The following SSBP2 variants were observed in gnomAD, a reference collection of about 807,000 sequenced individuals.
The protein encoded by SSBP2 is single-stranded DNA-binding protein 2.
A neutral mutation model predicts 61.8 loss-of-function variants in SSBP2; 17 were observed. The ratio of observed to expected loss-of-function variants is 0.28; its 90% CI spans 0.19 to 0.41. SSBP2 has a LOEUF of 0.41. Among genes scored for constraint, SSBP2 ranks in the 10% least tolerant of loss-of-function variants. The pLI is 1.00. For synonymous variants in SSBP2, 139 were observed against 141.3 expected (o/e 0.98, Z 0.12); for missense variants, 310 against 458.7 (o/e 0.68, Z 2.96).
intron 4 of SSBP2, among the ~76,000 whole-genome samples, chr5:81,593,212 G>A (rs1336328438): frequency 1.1e-4 from 16 of 152,292 alleles, no homozygotes; most frequent in African/African-American, 2.4e-4. Context: ...CTCAGTAGCC[G>A]ATGCCATCAA....
intron 1 of SSBP2, among the ~76,000 whole-genome samples, chr5:81,663,205 G>A (rs1345428046): frequency 6.6e-6 from 1 of 152,098 alleles, no homozygotes; most frequent in African/African-American, 2.4e-5. Flanking sequence ...AGTTTACCAA[G>A]AAACACATAA....
At chr5:81,675,184 T>C (rs1259170344) in intron 1 of SSBP2, among the ~76,000 whole-genome samples, 1 of 152,152 alleles carries the variant, frequency 6.6e-6, no homozygotes, top group Non-Finnish European at 1.5e-5. Context: ...ATCCCTTCTA[T>C]TGCAGAAACT....
At chr5:81,469,526 TC>T (rs902726273) in intron 8 of SSBP2, among the ~76,000 whole-genome samples, 5 of 151,878 alleles carry the variant, frequency 3.3e-5, no homozygotes, top group Non-Finnish European at 7.4e-5. Flanking sequence ...ATCTAGACTT[TC>T]CCCATTATAT....
intron 4 of SSBP2, among the ~76,000 whole-genome samples, chr5:81,568,014 T>C (rs1773567340): frequency 6.6e-6 from 1 of 152,206 alleles, no homozygotes; most frequent in African/African-American, 2.4e-5. Flanking sequence ...GGAACTTGCC[T>C]TGTCTCAGAT....
Position 81,595,398 on chromosome 5 carries a change from G to A in SSBP2, c.282+20075C>T, listed in dbSNP as rs571085494. On this transcript the variant is annotated intron_variant, in intron 4 of 16. Coordinates refer to ENST00000320672, the MANE Select transcript of SSBP2 (RefSeq NM_012446.5). The stretch of plus-strand genomic sequence containing the variant: ...CAGGACCAGATGGATTCACAGCCGA[G>A]TTCTACCAGAGGTACAAAGAGGAGC... Among the ~76,000 whole-genome samples the A allele has an allele frequency of 7.5e-4, 114 of 152,198 alleles. 1 individual carries two copies. The highest frequency in any genetic ancestry group is 2.6e-3 in the African/African-American group (107 of 41,550).
intron 3 of SSBP2, among the ~76,000 whole-genome samples, chr5:81,634,521 G>C (rs1231763513): frequency 6.6e-6 from 1 of 152,106 alleles, no homozygotes; most frequent in Admixed American, 6.5e-5. Flanking sequence ...ATTTATATTT[G>C]GCTCAGAATA....
At chr5:81,567,177 G>T (rs1457121094) in intron 4 of SSBP2, among the ~76,000 whole-genome samples, 1 of 152,172 alleles carries the variant, frequency 6.6e-6, no homozygotes, top group African/African-American at 2.4e-5. Flanking sequence ...CATGTCAAAG[G>T]TCTTCATGGC....
intron 5 of SSBP2, among the ~76,000 whole-genome samples, chr5:81,491,052 ACTCT>A (rs1393849234): frequency 6.6e-6 from 1 of 151,888 alleles, no homozygotes; most frequent in Non-Finnish European, 1.5e-5. Flanking sequence ...TAATATTCAC[ACTCT>A]CTCTGTTATT....
intron 6 of SSBP2, among the ~76,000 whole-genome samples, chr5:81,485,924 C>T (rs1766346208): frequency 6.6e-6 from 1 of 152,152 alleles, no homozygotes; most frequent in Admixed American, 6.5e-5. Context: ...TTGAAAAGTT[C>T]ATGCTCCTAA....
chr5:81,634,563 C>T (rs1012238217), intron 3 of SSBP2, among the ~76,000 whole-genome samples: 1 of 152,168 alleles, frequency 6.6e-6, no homozygotes. Flanking sequence ...GAGTTTTACT[C>T]TTTTCTTTGA....
At chr5:81,433,000 C>T (rs1193346065) in intron 15 of SSBP2, among the ~76,000 whole-genome samples, 3 of 151,142 alleles carry the variant, frequency 2.0e-5, no homozygotes, top group Admixed American at 6.6e-5. Context: ...GTCAGACTCC[C>T]GCCCGGCCAG....
chr5:81,500,354 C>T (rs558106877), intron 5 of SSBP2, among the ~76,000 whole-genome samples: 2 of 152,212 alleles, frequency 1.3e-5, no homozygotes, highest in South Asian at 4.1e-4. Flanking sequence ...GCTGGGACTA[C>T]AGGCACCCAC....
intron 4 of SSBP2, among the ~76,000 whole-genome samples, chr5:81,610,889 G>A (rs1204400758): frequency 6.6e-6 from 1 of 152,220 alleles, no homozygotes; most frequent in Non-Finnish European, 1.5e-5. Flanking sequence ...AGCTACTTGG[G>A]AGGCTAAGGC....
intron 1 of SSBP2, among the ~76,000 whole-genome samples, chr5:81,748,418 C>T (rs1283256680): frequency 1.3e-5 from 2 of 152,028 alleles, no homozygotes; most frequent in South Asian, 2.1e-4. Context: ...GATGTTAGTA[C>T]ATTGTTGCAG....
chr5:81,723,869 G>A (rs1183000486), intron 1 of SSBP2, among the ~76,000 whole-genome samples: 1 of 151,946 alleles, frequency 6.6e-6, no homozygotes, highest in African/African-American at 2.4e-5. Flanking sequence ...TTTCCCCAGA[G>A]TTGAGGAAGG....
intron 1 of SSBP2, among the ~76,000 whole-genome samples, chr5:81,737,000 G>A (rs417304): frequency 0.67 from 101,903 of 151,876 alleles, 34,507 homozygotes; most frequent in Middle Eastern, 0.75. Context: ...CTACAATTCA[G>A]AAAGTTTTTA....
chr5:81,751,244 C>T (rs1757749493), upstream of SSBP2: 4 of 594,524 alleles, frequency 6.7e-6, no homozygotes, highest in Middle Eastern at 7.9e-4. Context: ...CGCGCGGTGG[C>T]GGCTAAGCCT....
intron 1 of SSBP2, among the ~76,000 whole-genome samples, chr5:81,750,428 C>T (rs1403696450): frequency 6.8e-6 from 1 of 146,054 alleles, no homozygotes; most frequent in African/African-American, 2.5e-5. Context: ...CGCCGCGCGC[C>T]CGGCACCGCC....
chr5:81,558,975 G>A (rs1311500335), intron 4 of SSBP2, among the ~76,000 whole-genome samples: 1 of 152,210 alleles, frequency 6.6e-6, no homozygotes, highest in East Asian at 1.9e-4. Context: ...TTATTTATAG[G>A]CCGGGCGCAG....
Sources: allele counts gnomAD v4.1 joint callset (sites outside exome capture counted in the v4.1 genomes callset), GRCh38; gene constraint gnomAD v4.1.1; transcripts MANE v1.5; gene names NCBI Gene and HGNC (gene_info 2026-07-23, HGNC 2026-07-21).